Variants in USH2A observed in about 807,000 individuals in gnomAD.
USH2A encodes usherin, also known as Usher syndrome 2A (autosomal recessive, mild).
USH2A carries 443 observed loss-of-function variants against 538.9 expected under a neutral mutation model. The ratio of observed to expected loss-of-function variants is 0.82; its 90% CI spans 0.76 to 0.89. The LOEUF is 0.89. Ranked by LOEUF, USH2A falls within the 40% of genes least tolerant of loss-of-function variation. The pLI is 0.00. For synonymous variants in USH2A, 2,413 were observed against 2,273.5 expected (o/e 1.06, Z -1.75); for missense variants, 6,633 against 6,324.8 (o/e 1.05, Z -1.65).
At chr1:215,771,572 T>A in intron 55 of USH2A, among the ~76,000 whole-genome samples, 1 of 65,026 alleles carries the variant, frequency 1.5e-5, no homozygotes, top group African/African-American at 6.2e-5. Flanking sequence ...AGAGCGAGAC[T>A]CCGTCTCAAA....
intron 30 of USH2A, among the ~76,000 whole-genome samples, chr1:216,057,523 A>AC (rs1303432197): frequency 6.6e-6 from 1 of 151,948 alleles, no homozygotes; most frequent in African/African-American, 2.4e-5. Context: ...ACAAAAACAA[A>AC]AAAAACAAAA....
chr1:216,175,615 G>A, intron 20 of USH2A, 133 bp from the exon 21 acceptor site: 1 of 881,880 alleles, frequency 1.1e-6, no homozygotes, highest in South Asian at 1.5e-5. Context: ...TCAAGTATCT[G>A]TATGGCTCTA....
intron 4 of USH2A, among the ~76,000 whole-genome samples, chr1:216,339,921 A>T (rs2038043462): frequency 6.6e-6 from 1 of 152,182 alleles, no homozygotes; most frequent in Non-Finnish European, 1.5e-5. Context: ...CACAATTAAA[A>T]GAACTAGAGA....
intron 58 of USH2A, among the ~76,000 whole-genome samples, chr1:215,754,070 G>C (rs1660712070): frequency 6.6e-6 from 1 of 152,172 alleles, no homozygotes; most frequent in South Asian, 2.1e-4. Flanking sequence ...GTGACCTTGA[G>C]CATATTATAT....
Position 216,194,467 on chromosome 1 carries a change from G to T in USH2A, c.4251+2086C>A, listed in dbSNP as rs1429866114. On this transcript the variant is annotated intron_variant, in intron 19 of 71. Transcript: ENST00000307340. ...TGAGGGTGATTAATCACCAATTTAA[G>T]ACAAACTATAAATGCCACCTTGACA... Among the ~76,000 whole-genome samples the T allele has an allele frequency of 2.0e-5, 3 of 152,040 alleles. No homozygotes were observed. The East Asian group carries it at 5.8e-4, about 29-fold the overall frequency.
intron 32 of USH2A, among the ~76,000 whole-genome samples, chr1:216,023,077 A>C (rs1447698980): frequency 6.6e-6 from 1 of 152,170 alleles, no homozygotes; most frequent in African/African-American, 2.4e-5. Flanking sequence ...ACAGCAGGTG[A>C]GGGCAATGAG....
intron 24 of USH2A, 68 bp from the exon 25 acceptor site, chr1:216,084,945 G>C: frequency 1.3e-6 from 2 of 1,529,394 alleles, no homozygotes; most frequent in Non-Finnish European, 1.8e-6. Flanking sequence ...TTAATTTTAT[G>C]TGCCATTAAA....
At position 215,652,553 on chromosome 1, in the gene USH2A, C is replaced by T. The variant is rs138513340; in HGVS notation, c.14134-1752G>A. Among the ~76,000 whole-genome samples the T allele has an allele frequency of 2.8e-3, 433 of 152,216 alleles. 2 individuals are homozygous for T. The highest frequency in any genetic ancestry group is 9.8e-3 in the African/African-American group (406 of 41,520). On this transcript the variant is annotated intron_variant, in intron 64 of 71. Coordinates refer to ENST00000307340, the MANE Select transcript of USH2A (RefSeq NM_206933.4). ...GAGTCCATCCATCAGAATACAACTG[C>T]AGCTGCTCTCAGAGTCCCCTCAGAA...
At chr1:215,723,034 AC>A (rs1228168573) in intron 61 of USH2A, among the ~76,000 whole-genome samples, 6 of 152,136 alleles carry the variant, frequency 3.9e-5, no homozygotes. Context: ...AAGGCTAAAT[AC>A]AGTTTCTTTC....
At chr1:216,418,398 A>T in intron 3 of USH2A, 116 bp downstream of exon 3, 2 of 1,187,710 alleles carry the variant, frequency 1.7e-6, no homozygotes, top group East Asian at 4.8e-5. Flanking sequence ...ATTTATACAC[A>T]CCTGAAATCT....
chr1:216,009,066 C>A (rs910972855), intron 32 of USH2A, among the ~76,000 whole-genome samples: 1 of 152,036 alleles, frequency 6.6e-6, no homozygotes, highest in Non-Finnish European at 1.5e-5. Flanking sequence ...TACCTTATTT[C>A]TGTGCCCCGA....
chr1:216,185,114 G>C (rs1250050514), intron 20 of USH2A, among the ~76,000 whole-genome samples: 3 of 151,912 alleles, frequency 2.0e-5, no homozygotes, highest in Non-Finnish European at 4.4e-5. Context: ...AGAGGGCCCA[G>C]TTCATCAACT....
chr1:216,156,421 G>A (rs2033942559), intron 21 of USH2A, among the ~76,000 whole-genome samples: 1 of 148,602 alleles, frequency 6.7e-6, no homozygotes, highest in Non-Finnish European at 1.5e-5. Context: ...CTTATTTTTG[G>A]ACTTTGCAGG....
chr1:216,050,884 C>T (rs958250866), intron 30 of USH2A, among the ~76,000 whole-genome samples: 2 of 151,918 alleles, frequency 1.3e-5, no homozygotes, highest in Admixed American at 6.6e-5. Context: ...GGATTACAGG[C>T]GTGAGCCACT....
rs909536029 is a variant in USH2A at position 215,934,289 on chromosome 1, C to T, written c.7300+327G>A. On this transcript the variant is annotated intron_variant, in intron 38 of 71. Coordinates refer to ENST00000307340, the MANE Select transcript of USH2A (RefSeq NM_206933.4). ...AAATATAAATTTTGGCTTTAAGTAA[C>T]GCCTTGAACAAAATCATTTCCCAAT... Among the ~76,000 whole-genome samples, 7 of 151,958 alleles carry T rather than the reference C, an allele frequency of 4.6e-5. No homozygotes were observed. In the East Asian group the frequency reaches 7.7e-4, roughly 17 times the overall value.
intron 13 of USH2A, among the ~76,000 whole-genome samples, chr1:216,234,758 G>T (rs1252742760): frequency 6.6e-6 from 1 of 152,158 alleles, no homozygotes; most frequent in Non-Finnish European, 1.5e-5. Context: ...TAGAAGAAAT[G>T]ATGTATTAGA....
chr1:216,130,538 A>G (rs1426860357), intron 21 of USH2A, among the ~76,000 whole-genome samples: 1 of 146,074 alleles, frequency 6.8e-6, no homozygotes, highest in Non-Finnish European at 1.5e-5. Context: ...ATTTATATAT[A>G]TAAAATATAT....
intron 40 of USH2A, among the ~76,000 whole-genome samples, chr1:215,895,300 G>A (rs1665306172): frequency 6.6e-6 from 1 of 152,158 alleles, no homozygotes; most frequent in Non-Finnish European, 1.5e-5. Flanking sequence ...ACTGGTGATA[G>A]AAAGATAGTT....
At chr1:215,713,409 C>G (rs970292195) in intron 61 of USH2A, among the ~76,000 whole-genome samples, 1 of 152,162 alleles carries the variant, frequency 6.6e-6, no homozygotes, top group African/African-American at 2.4e-5. Flanking sequence ...CCACCTCACT[C>G]AATAGCTTTG....
Sources: allele counts gnomAD v4.1 joint callset (sites outside exome capture counted in the v4.1 genomes callset), GRCh38; gene constraint gnomAD v4.1.1; transcripts MANE v1.5; gene names NCBI Gene and HGNC (gene_info 2026-07-23, HGNC 2026-07-21).